The following ROBO1 variants were observed in gnomAD, a reference collection of about 807,000 sequenced individuals.
ROBO1 encodes roundabout guidance receptor 1, also known as roundabout homolog 1.
ROBO1 carries 149 observed loss-of-function variants against 195.9 expected under a neutral mutation model. The observed-to-expected ratio is 0.76, with a 90% CI of 0.67 to 0.87. The LOEUF is 0.87. Among genes scored for constraint, ROBO1 ranks in the 40% least tolerant of loss-of-function variants. The pLI, the probability that ROBO1 is intolerant of heterozygous loss-of-function variation, is 0.00. For synonymous variants in ROBO1, 816 were observed against 733.2 expected, an observed-to-expected ratio of 1.11 and a Z score of -1.82; for missense variants, 1,933 against 2,068.3, an observed-to-expected ratio of 0.93 and a Z score of 1.27.
At chr3:78,682,209 T>C (rs970479505) in intron 10 of ROBO1, among the ~76,000 whole-genome samples, 1 of 151,908 alleles carries the variant, frequency 6.6e-6, no homozygotes, top group African/African-American at 2.4e-5. Flanking sequence ...CTGCTCACTA[T>C]ATTGGAGGTC....
chr3:79,346,692 AG>A (rs1164140392), intron 2 of ROBO1, among the ~76,000 whole-genome samples: 14 of 152,052 alleles, frequency 9.2e-5, no homozygotes, highest in East Asian at 3.9e-4. Context: ...TTCTAATAAA[AG>A]TTTCCTAAAT....
chr3:79,020,329 C>T (rs2078072405), intron 3 of ROBO1, among the ~76,000 whole-genome samples: 1 of 152,182 alleles, frequency 6.6e-6, no homozygotes. Context: ...ATACACAAAG[C>T]AAAACAAACC....
At chr3:78,683,297 T>G (rs1575926958) in intron 10 of ROBO1, among the ~76,000 whole-genome samples, 1 of 152,230 alleles carries the variant, frequency 6.6e-6, no homozygotes, top group African/African-American at 2.4e-5. Flanking sequence ...TTCCCTGAAT[T>G]GACTCAGATT....
chr3:79,137,374 G>T (rs533682472), intron 2 of ROBO1, among the ~76,000 whole-genome samples: 1 of 151,440 alleles, frequency 6.6e-6, no homozygotes, highest in Non-Finnish European at 1.5e-5. Context: ...ATGCCAGGAC[G>T]TTACTAAATA....
At chr3:79,705,776 C>T (rs765951874) in intron 1 of ROBO1, among the ~76,000 whole-genome samples, 2 of 152,116 alleles carry the variant, frequency 1.3e-5, no homozygotes, top group Non-Finnish European at 2.9e-5. Flanking sequence ...GGAGAACTGA[C>T]ATCTTGATAA....
chr3:79,716,182 CT>C (rs1702477565), intron 1 of ROBO1, among the ~76,000 whole-genome samples: 1 of 151,826 alleles, frequency 6.6e-6, no homozygotes, highest in African/African-American at 2.4e-5. Context: ...ATTATTATAT[CT>C]GATTTGTCAT....
intron 2 of ROBO1, among the ~76,000 whole-genome samples, chr3:79,449,556 G>A (rs2039377962): frequency 6.6e-6 from 1 of 152,098 alleles, no homozygotes; most frequent in Admixed American, 6.5e-5. Context: ...TCAGATAAAT[G>A]AGTACATTAA....
At chr3:78,600,047 A>T in intron 30 of ROBO1, 66 bp downstream of exon 30, 1 of 1,248,648 alleles carries the variant, frequency 8.0e-7, no homozygotes. Flanking sequence ...ACACTGATGA[A>T]GGTTCCTAAC....
At chr3:79,003,000 AAAGG>A (rs2077540482) in intron 3 of ROBO1, among the ~76,000 whole-genome samples, 1 of 152,140 alleles carries the variant, frequency 6.6e-6, no homozygotes, top group South Asian at 2.1e-4. Flanking sequence ...AGCTCCAAGT[AAAGG>A]AAGATCTATA....
At chr3:79,481,861 A>G (rs1938878826) in intron 2 of ROBO1, among the ~76,000 whole-genome samples, 1 of 151,876 alleles carries the variant, frequency 6.6e-6, no homozygotes, top group South Asian at 2.1e-4. Context: ...AAATATGGAC[A>G]CTTTGCTAAA....
At chr3:79,175,352 C>T (rs535502482) in intron 2 of ROBO1, among the ~76,000 whole-genome samples, 1 of 152,248 alleles carries the variant, frequency 6.6e-6, no homozygotes, top group Non-Finnish European at 1.5e-5. Context: ...TACTGTGTTT[C>T]CCAGGCTGGT....
chr3:78,668,652 T>C (rs1707880415), intron 11 of ROBO1, 87 bp from the exon 12 acceptor site: 7 of 1,119,046 alleles, frequency 6.3e-6, no homozygotes, highest in East Asian at 2.5e-5. Flanking sequence ...ATATGATCCA[T>C]GAATATGGAT....
intron 2 of ROBO1, among the ~76,000 whole-genome samples, chr3:79,426,783 T>A (rs1281429554): frequency 1.3e-5 from 2 of 152,116 alleles, no homozygotes; most frequent in Admixed American, 1.3e-4. Context: ...TAAGGTAACT[T>A]GAGAAAACAT....
At chr3:79,673,795 A>G (rs1352232121) in intron 1 of ROBO1, among the ~76,000 whole-genome samples, 1 of 151,926 alleles carries the variant, frequency 6.6e-6, no homozygotes, top group Non-Finnish European at 1.5e-5. Flanking sequence ...GGTTTTATCA[A>G]TAAGAAAAGT....
chr3:78,607,147 T>G, intron 28 of ROBO1, 106 bp from the exon 29 acceptor site: 1 of 1,071,736 alleles, frequency 9.3e-7, no homozygotes, highest in South Asian at 1.7e-5. Context: ...ATACTATATC[T>G]TAGATGAACT....
intron 10 of ROBO1, among the ~76,000 whole-genome samples, chr3:78,676,621 G>A (rs1195704667): frequency 1.3e-5 from 2 of 151,998 alleles, no homozygotes; most frequent in Non-Finnish European, 2.9e-5. Context: ...GGGAAGTTTA[G>A]AGAAAAAAGA....
chr3:79,222,191 TAC>T (rs2108829011), intron 2 of ROBO1, among the ~76,000 whole-genome samples: 1 of 152,216 alleles, frequency 6.6e-6, no homozygotes, highest in East Asian at 1.9e-4. Flanking sequence ...TTCAAGATGT[TAC>T]TGCTTTTGCC....
At chr3:79,477,649 A>T (rs1938614149) in intron 2 of ROBO1, among the ~76,000 whole-genome samples, 1 of 152,194 alleles carries the variant, frequency 6.6e-6, no homozygotes, top group Non-Finnish European at 1.5e-5. Context: ...TGTTTTAAGC[A>T]GAATTTACCA....
intron 2 of ROBO1, among the ~76,000 whole-genome samples, chr3:79,441,466 A>G (rs1194955394): frequency 6.6e-6 from 1 of 152,166 alleles, no homozygotes; most frequent in Non-Finnish European, 1.5e-5. Context: ...TTAAGTAAAT[A>G]ACTAAGTATT....
Sources: allele counts gnomAD v4.1 joint callset (sites outside exome capture counted in the v4.1 genomes callset), GRCh38; gene constraint gnomAD v4.1.1; transcripts MANE v1.5; gene names NCBI Gene and HGNC (gene_info 2026-07-23, HGNC 2026-07-21).